Variants in CGNL1 observed in about 807,000 individuals in gnomAD.
The protein encoded by CGNL1 is cingulin-like protein 1.
A neutral mutation model predicts 141.2 loss-of-function variants in CGNL1; 132 were observed. The observed-to-expected ratio is 0.93, with a 90% confidence interval of 0.81 to 1.08. The LOEUF is 1.08. Among genes scored for constraint, CGNL1 ranks in the 50% least tolerant of loss-of-function variants. The pLI is 0.00. For missense variants in CGNL1, 1,870 were observed against 1,588.6 expected (o/e 1.18, Z -3.01); for synonymous variants, 690 against 622.1 (o/e 1.11, Z -1.63).
chr15:57,449,836 C>G (rs2152319324), intron 4 of CGNL1, among the ~76,000 whole-genome samples: 1 of 152,232 alleles, frequency 6.6e-6, no homozygotes, highest in African/African-American at 2.4e-5. Context: ...TTCAGTTTGG[C>G]TCATTTCCCT....
In CGNL1 at chr15:57,524,643, G is replaced by A. The variant is rs2031494358; in HGVS notation, c.2931G>A (p.Glu977=). 3.7e-6 allele frequency: 6 copies of A among 1,614,016 alleles called. No homozygotes were observed. The Admixed American group carries it at 5.0e-5, about 13-fold the overall frequency. ...TGGAGCTCCAGAACCAGCTGGATGA[G>A]TATAAGGAGAAAAACCGCAGGGAGC... ...STLELQNQLD[E]YKEKNRRELA... Residue 977 remains glutamate, a synonymous_variant, in exon 12 of 19, where the codon GAG becomes GAA. Coordinates refer to ENST00000281282, the MANE Select transcript of CGNL1 (RefSeq NM_032866.5).
chr15:57,444,206 T>C (rs1447351925), intron 4 of CGNL1, among the ~76,000 whole-genome samples: 1 of 152,182 alleles, frequency 6.6e-6, no homozygotes, highest in African/African-American at 2.4e-5. Flanking sequence ...ATATGTATTC[T>C]TGTGTGTGTA....
intron 1 of CGNL1, among the ~76,000 whole-genome samples, chr15:57,436,506 A>T (rs1177702671): frequency 6.6e-6 from 1 of 152,102 alleles, no homozygotes; most frequent in Non-Finnish European, 1.5e-5. Context: ...TAGACTTCCT[A>T]TCTCTGGGGA....
chr15:57,453,329 G>C (rs1214641836), intron 6 of CGNL1, among the ~76,000 whole-genome samples: 1 of 152,210 alleles, frequency 6.6e-6, no homozygotes, highest in African/African-American at 2.4e-5. Context: ...ATAGTAGACA[G>C]TGGAAGGATG....
chr15:57,487,994 A>G (rs2063807664), intron 8 of CGNL1, among the ~76,000 whole-genome samples: 1 of 152,202 alleles, frequency 6.6e-6, no homozygotes, highest in African/African-American at 2.4e-5. Flanking sequence ...TTCCAAAGTG[A>G]CAGAACCATT....
intron 6 of CGNL1, 88 bp downstream of exon 6, chr15:57,452,377 C>T: frequency 8.2e-7 from 1 of 1,221,156 alleles, no homozygotes; most frequent in Non-Finnish European, 1.1e-6. Context: ...TACTACCCAG[C>T]CTTCCAAATA....
intron 1 of CGNL1, among the ~76,000 whole-genome samples, chr15:57,385,403 C>T (rs766899682): frequency 3.5e-4 from 54 of 152,270 alleles, no homozygotes; most frequent in Non-Finnish European, 6.6e-4. Context: ...GGCGTGGGGG[C>T]GCATGCCTGC....
chr15:57,465,674 A>G (rs1427191036), intron 8 of CGNL1, among the ~76,000 whole-genome samples: 3 of 152,178 alleles, frequency 2.0e-5, no homozygotes, highest in Non-Finnish European at 4.4e-5. Context: ...CATTTCTTTA[A>G]GAAATTTTAT....
intron 14 of CGNL1, among the ~76,000 whole-genome samples, chr15:57,538,742 C>A (rs1449407708): frequency 2.6e-5 from 4 of 152,218 alleles, no homozygotes; most frequent in Non-Finnish European, 5.9e-5. Flanking sequence ...CCTGGAATCC[C>A]TCCATGCGCT....
rs1294227677 is a variant in CGNL1 at position 57,457,247 on chromosome 15, T to C, written c.2190+3429T>C. On this transcript the variant is annotated intron_variant, in intron 7 of 18. Coordinates refer to ENST00000281282, the MANE Select transcript of CGNL1 (RefSeq NM_032866.5). ...ATGTGGCACGCTCATGCACAGGTGG[T>C]GTGTGAAGTAGAGCTTTTTGTGAGC... 5.3e-5 allele frequency among the ~76,000 whole-genome samples: 8 copies of C among 152,308 alleles called. No homozygotes were observed. The East Asian group carries it at 1.5e-3, about 29-fold the overall frequency.
At chr15:57,500,187 G>C (rs774151604) in intron 8 of CGNL1, among the ~76,000 whole-genome samples, 5 of 152,124 alleles carry the variant, frequency 3.3e-5, no homozygotes, top group Non-Finnish European at 7.4e-5. Context: ...TTGGTGGGTG[G>C]CCACTGTCAA....
chr15:57,464,991 A>G (rs1052707914), intron 8 of CGNL1, among the ~76,000 whole-genome samples: 35 of 151,892 alleles, frequency 2.3e-4, no homozygotes, highest in African/African-American at 8.2e-4. Context: ...GCCTCAAGTG[A>G]TCTGCCCACC....
chr15:57,440,532 C>A, intron 3 of CGNL1, 61 bp downstream of exon 3: 1 of 1,317,938 alleles, frequency 7.6e-7, no homozygotes. Context: ...CTCTTAATTT[C>A]CTTTTCCGAG....
intron 1 of CGNL1, among the ~76,000 whole-genome samples, chr15:57,431,649 G>T (rs1363766454): frequency 6.6e-6 from 1 of 152,178 alleles, no homozygotes; most frequent in East Asian, 1.9e-4. Context: ...TGCGGCCCGT[G>T]GGCTGCCTGT....
chr15:57,535,560 G>T (rs937992994), intron 14 of CGNL1, among the ~76,000 whole-genome samples: 2 of 152,184 alleles, frequency 1.3e-5, no homozygotes, highest in African/African-American at 4.8e-5. Context: ...AAGACTGGGA[G>T]GTAGGGACCT....
intron 7 of CGNL1, among the ~76,000 whole-genome samples, chr15:57,460,314 A>T (rs530597059): frequency 8.5e-5 from 13 of 152,356 alleles, no homozygotes; most frequent in Admixed American, 5.2e-4. Flanking sequence ...GACAAAAATC[A>T]TATAGCAAGA....
At chr15:57,409,261 G>T (rs1368920311) in intron 1 of CGNL1, among the ~76,000 whole-genome samples, 1 of 152,240 alleles carries the variant, frequency 6.6e-6, no homozygotes, top group African/African-American at 2.4e-5. Flanking sequence ...CCATGCATTT[G>T]GAGACGTGTG....
chr15:57,420,659 C>G (rs566463960), intron 1 of CGNL1, among the ~76,000 whole-genome samples: 1 of 152,198 alleles, frequency 6.6e-6, no homozygotes, highest in Admixed American at 6.5e-5. Flanking sequence ...ACAGATTCCA[C>G]TCATTTCTGG....
chr15:57,437,890 CT>C, intron 1 of CGNL1, 94 bp from the exon 2 acceptor site: 1 of 1,191,442 alleles, frequency 8.4e-7, no homozygotes, highest in South Asian at 1.5e-5. Flanking sequence ...TTTCTTTGAA[CT>C]TTGAAGTTTC....
Sources: allele counts gnomAD v4.1 joint callset (sites outside exome capture counted in the v4.1 genomes callset), GRCh38; gene constraint gnomAD v4.1.1; transcripts MANE v1.5; gene names NCBI Gene and HGNC (gene_info 2026-07-23, HGNC 2026-07-21).